Variants in SYNJ2BP observed in about 807,000 individuals in gnomAD.
SYNJ2BP encodes the protein synaptojanin 2 binding protein.
SYNJ2BP carries 10 observed loss-of-function variants against 16.9 expected under a neutral mutation model. The ratio of observed to expected loss-of-function variants is 0.59; its 90% CI spans 0.36 to 1.00. The LOEUF (loss-of-function observed/expected upper bound fraction) is 1.00. Ranked by LOEUF, SYNJ2BP falls within the 50% of genes least tolerant of loss-of-function variation. The pLI, the probability that SYNJ2BP is intolerant of heterozygous loss-of-function variation, is 0.01. For synonymous variants in SYNJ2BP, 54 were observed against 68.4 expected (o/e 0.79, Z 1.04); for missense variants, 162 against 186.7 (o/e 0.87, Z 0.77).
At chr14:70,386,276 T>C (rs1298513237) in intron 2 of SYNJ2BP, among the ~76,000 whole-genome samples, 1 of 152,172 alleles carries the variant, frequency 6.6e-6, no homozygotes, top group African/African-American at 2.4e-5. Context: ...CTAAAGGAAA[T>C]AATCTGCTTC....
Position 70,416,895 on chromosome 14 carries a change from C to T in SYNJ2BP, c.64+5G>A, listed in dbSNP as rs1283283147. The T allele has an allele frequency of 6.2e-7, 1 of 1,614,184 alleles. No individual in the cohort carries two copies. Among genetic ancestry groups the T allele is most frequent in the Non-Finnish European group, 8.5e-7 (1 of 1,180,034 alleles). ...ACTGTCAGATATGACCCTTTCCGCA[C>T]ATACCTGAGGGCCCTCTGGTAAGAT... On this transcript the variant is annotated splice_donor_5th_base_variant and intron_variant, in intron 1 of 3. Transcript: ENST00000256366.
At chr14:70,378,747 C>A (rs1214801460) in intron 2 of SYNJ2BP, among the ~76,000 whole-genome samples, 3 of 152,026 alleles carry the variant, frequency 2.0e-5, no homozygotes, top group African/African-American at 7.3e-5. Flanking sequence ...AAAAACAAAA[C>A]AAAAACTTGG....
chr14:70,377,132 C>A (rs1261409369), intron 2 of SYNJ2BP, among the ~76,000 whole-genome samples: 1 of 152,198 alleles, frequency 6.6e-6, no homozygotes. Flanking sequence ...AACCTGACAA[C>A]AATTTCCACT....
chr14:70,380,182 C>T (rs1250278090), intron 2 of SYNJ2BP, among the ~76,000 whole-genome samples: 1 of 152,080 alleles, frequency 6.6e-6, no homozygotes, highest in Non-Finnish European at 1.5e-5. Flanking sequence ...AGCAGCAAAG[C>T]CAAGGATTCA....
chr14:70,382,361 C>T (rs1271679837), intron 2 of SYNJ2BP, among the ~76,000 whole-genome samples: 1 of 152,190 alleles, frequency 6.6e-6, no homozygotes, highest in East Asian at 1.9e-4. Flanking sequence ...TTCAAATACA[C>T]ACACACACTC....
chr14:70,368,481 C>A lies in SYNJ2BP; in HGVS notation c.*4510G>T, dbSNP rs1258158586. ...CTCTCTGAGCCTTTATTTTTCTCATCTCTAAGACAGATTCATCCTAGAAGC... is the reference window on the plus strand; with the variant it reads ...CTCTCTGAGCCTTTATTTTTCTCATATCTAAGACAGATTCATCCTAGAAGC... On this transcript the variant is annotated 3_prime_UTR_variant, in exon 4 of 4. Transcript: ENST00000256366. 1 of 152,200 alleles carries A rather than the reference C, an allele frequency of 6.6e-6. No individual in the cohort carries two copies. Among genetic ancestry groups the A allele is most frequent in the Non-Finnish European group, 1.5e-5 (1 of 68,030 alleles). 9.4% of individuals were successfully genotyped at this position (152,200 alleles called of 1,614,324 possible).
intron 2 of SYNJ2BP, among the ~76,000 whole-genome samples, chr14:70,381,684 G>C (rs1435298630): frequency 6.6e-6 from 1 of 152,064 alleles, no homozygotes; most frequent in East Asian, 1.9e-4. Context: ...GCATCACCTG[G>C]GAACCTGTTA....
In SYNJ2BP at chr14:70,370,298, T is replaced by C. The variant is rs1275265292; in HGVS notation, c.*2693A>G. The C allele has an allele frequency of 6.6e-6, 1 of 152,112 alleles. No individual in the cohort carries two copies. The highest frequency in any genetic ancestry group is 1.5e-5 in the Non-Finnish European group (1 of 68,018). 9.4% of individuals were successfully genotyped at this position (152,112 alleles called of 1,614,324 possible). On this transcript the variant is annotated 3_prime_UTR_variant, in exon 4 of 4. Transcript: ENST00000256366. Reference sequence around the variant, plus strand: ...AAACCATGAGGTGAATCCTGGGAGGTAAGCAAGCTTGCTGTAGAAGCCGCT... The same window carrying C: ...AAACCATGAGGTGAATCCTGGGAGGCAAGCAAGCTTGCTGTAGAAGCCGCT...
chr14:70,382,390 G>A (rs973783485), intron 2 of SYNJ2BP, among the ~76,000 whole-genome samples: 3 of 152,216 alleles, frequency 2.0e-5, no homozygotes, highest in African/African-American at 7.2e-5. Context: ...AATAGGAAAT[G>A]TATGTCATTC....
At chr14:70,416,845 C>G in intron 1 of SYNJ2BP, 55 bp downstream of exon 1, 1 of 1,612,076 alleles carries the variant, frequency 6.2e-7, no homozygotes, top group Non-Finnish European at 8.5e-7. Flanking sequence ...GCAGAGGTGT[C>G]TGCAATTACA....
chr14:70,410,370 G>A (rs1001490739), intron 1 of SYNJ2BP, among the ~76,000 whole-genome samples: 1 of 152,082 alleles, frequency 6.6e-6, no homozygotes, highest in Non-Finnish European at 1.5e-5. Flanking sequence ...GCTGCAGTGA[G>A]CCAAGATCGT....
At chr14:70,393,891 G>T (rs1888031702) in intron 1 of SYNJ2BP, among the ~76,000 whole-genome samples, 1 of 149,244 alleles carries the variant, frequency 6.7e-6, no homozygotes, top group Non-Finnish European at 1.5e-5. Flanking sequence ...TGATAGTGCA[G>T]GAAACCACCA....
At chr14:70,385,479 CCT>C (rs529599617) in intron 2 of SYNJ2BP, among the ~76,000 whole-genome samples, 7 of 152,292 alleles carry the variant, frequency 4.6e-5, no homozygotes, top group East Asian at 3.9e-4. Context: ...GCCTCAGCCC[CCT>C]GAGTAGCTGG....
chr14:70,403,648 G>A (rs925582444), intron 1 of SYNJ2BP, among the ~76,000 whole-genome samples: 3 of 152,194 alleles, frequency 2.0e-5, no homozygotes, highest in African/African-American at 7.2e-5. Flanking sequence ...CTAAAAAGGG[G>A]AGGCATAAAT....
chr14:70,413,070 AT>A (rs1414217649), intron 1 of SYNJ2BP, among the ~76,000 whole-genome samples: 1 of 152,234 alleles, frequency 6.6e-6, no homozygotes, highest in Non-Finnish European at 1.5e-5. Context: ...CCTTGAAGAC[AT>A]TTGAGATTGT....
At chr14:70,404,633 G>T (rs1271784554) in intron 1 of SYNJ2BP, among the ~76,000 whole-genome samples, 2 of 152,042 alleles carry the variant, frequency 1.3e-5, no homozygotes, top group Non-Finnish European at 2.9e-5. Context: ...TTACTTCCTA[G>T]GTTCTTCACT....
intron 1 of SYNJ2BP, among the ~76,000 whole-genome samples, chr14:70,415,854 T>C (rs1033509073): frequency 2.0e-5 from 3 of 152,176 alleles, no homozygotes; most frequent in South Asian, 2.1e-4. Flanking sequence ...ACAGTAACAA[T>C]AGTAGGAAAC....
Position 70,368,441 on chromosome 14 carries a change from G to A in SYNJ2BP, c.*4550C>T, listed in dbSNP as rs1401482896. 2.6e-5 allele frequency: 4 copies of A among 152,224 alleles called. No individual in the cohort carries two copies. Among genetic ancestry groups the A allele is most frequent in the Admixed American group, 1.3e-4 (2 of 15,290 alleles). The allele number at this position is 152,224 out of a possible 1,614,324, so 9.4% of individuals were successfully genotyped here. On this transcript the variant is annotated 3_prime_UTR_variant, in exon 4 of 4. Transcript: ENST00000256366. The stretch of plus-strand genomic sequence containing the variant: ...CTGCAACAAACTAAGTCTGATCAGA[G>A]TTAAGTTAGCTTCCCTCTCTGAGCC...
rs376670851 is a variant in SYNJ2BP, at chr14:70,372,982, G to A, written c.*9C>T. On this transcript the variant is annotated 3_prime_UTR_variant, in exon 4 of 4. Transcript: ENST00000256366. ...TCTTCATTGGGAGTATTGAAAGAGA[G>A]CAAGTTTTTCAAAGTTGTTGCCGGT... 36 of 1,613,782 alleles carry A rather than the reference G, an allele frequency of 2.2e-5. No individual in the cohort carries two copies. Among genetic ancestry groups the A allele is most frequent in the Non-Finnish European group, 3.0e-5 (35 of 1,179,946 alleles).
Sources: allele counts gnomAD v4.1 joint callset (sites outside exome capture counted in the v4.1 genomes callset), GRCh38; gene constraint gnomAD v4.1.1; transcripts MANE v1.5; gene names NCBI Gene and HGNC (gene_info 2026-07-23, HGNC 2026-07-21).